The following CAMK1D variants were observed in gnomAD, a reference collection of about 807,000 sequenced individuals.
CAMK1D encodes the protein calcium/calmodulin-dependent protein kinase type 1D.
A neutral mutation model predicts 47.7 loss-of-function variants in CAMK1D; 9 were observed. The observed-to-expected ratio is 0.19, with a 90% CI of 0.11 to 0.33. The LOEUF (loss-of-function observed/expected upper bound fraction) is 0.33, where lower values mean the gene tolerates loss of function less well. Among genes scored for constraint, CAMK1D ranks in the 10% least tolerant of loss-of-function variants. The pLI, the probability that CAMK1D is intolerant of heterozygous loss-of-function variation, is 1.00. For missense variants in CAMK1D, 291 were observed against 488.7 expected (o/e 0.60, Z 3.81); for synonymous variants, 184 against 184.9 (o/e 0.99, Z 0.04).
At chr10:12,693,206 A>T (rs1165249115) in intron 3 of CAMK1D, among the ~76,000 whole-genome samples, 1 of 152,144 alleles carries the variant, frequency 6.6e-6, no homozygotes, top group East Asian at 1.9e-4. Context: ...TCTATTAAAA[A>T]TACAAAAGAT....
chr10:12,381,938 T>C (rs1838359386), intron 1 of CAMK1D, among the ~76,000 whole-genome samples: 1 of 152,112 alleles, frequency 6.6e-6, no homozygotes, highest in African/African-American at 2.4e-5. Context: ...AAAAAAAAAC[T>C]GTTTTGCTAT....
intron 2 of CAMK1D, among the ~76,000 whole-genome samples, chr10:12,611,056 G>A (rs1838603930): frequency 6.6e-6 from 1 of 152,184 alleles, no homozygotes; most frequent in Non-Finnish European, 1.5e-5. Context: ...TATTGATGAA[G>A]AAACTGAGGC....
At chr10:12,666,020 C>G (rs1203758894) in intron 2 of CAMK1D, among the ~76,000 whole-genome samples, 2 of 152,194 alleles carry the variant, frequency 1.3e-5, no homozygotes, top group Non-Finnish European at 2.9e-5. Context: ...GGGCTCTGCC[C>G]TCAACTTGTG....
At chr10:12,505,150 G>A (rs539027592) in intron 1 of CAMK1D, among the ~76,000 whole-genome samples, 1 of 152,326 alleles carries the variant, frequency 6.6e-6, no homozygotes, top group African/African-American at 2.4e-5. Context: ...CCTGATAGAT[G>A]CAGAAGCCGT....
At chr10:12,471,250 G>A (rs1833737809) in intron 1 of CAMK1D, among the ~76,000 whole-genome samples, 1 of 152,150 alleles carries the variant, frequency 6.6e-6, no homozygotes, top group Non-Finnish European at 1.5e-5. Flanking sequence ...GCCCTGCTCT[G>A]GATCAGCCCC....
At chr10:12,376,823 G>A (rs1023140493) in intron 1 of CAMK1D, among the ~76,000 whole-genome samples, 3 of 150,196 alleles carry the variant, frequency 2.0e-5, no homozygotes, top group East Asian at 2.0e-4. Flanking sequence ...GCGTGATCTC[G>A]GCTCACTGCA....
intron 3 of CAMK1D, among the ~76,000 whole-genome samples, chr10:12,689,116 A>C (rs951844761): frequency 6.6e-6 from 1 of 152,148 alleles, no homozygotes; most frequent in Non-Finnish European, 1.5e-5. Flanking sequence ...GCTTCATACA[A>C]CTTGGACTAA....
At chr10:12,402,173 C>T (rs1050891765) in intron 1 of CAMK1D, among the ~76,000 whole-genome samples, 2 of 152,050 alleles carry the variant, frequency 1.3e-5, no homozygotes, top group Non-Finnish European at 1.5e-5. Flanking sequence ...AACTCCTGAC[C>T]TCAAGTGATC....
At chr10:12,527,494 A>G (rs749012084) in intron 1 of CAMK1D, among the ~76,000 whole-genome samples, 1 of 151,602 alleles carries the variant, frequency 6.6e-6, no homozygotes, top group Admixed American at 6.6e-5. Context: ...AACTGGGACT[A>G]TAGGCATGCG....
intron 3 of CAMK1D, among the ~76,000 whole-genome samples, chr10:12,727,900 G>A (rs1834724407): frequency 6.6e-6 from 1 of 152,052 alleles, no homozygotes; most frequent in Admixed American, 6.5e-5. Flanking sequence ...TGAGTAGCTG[G>A]GAGTACAGGC....
intron 2 of CAMK1D, among the ~76,000 whole-genome samples, chr10:12,615,835 C>T (rs1005592034): frequency 8.5e-5 from 12 of 140,550 alleles, no homozygotes; most frequent in Admixed American, 5.3e-4. Flanking sequence ...TGTGTGCGTT[C>T]GTGTGTGTAT....
intron 1 of CAMK1D, among the ~76,000 whole-genome samples, chr10:12,542,322 G>A (rs1163649937): frequency 6.6e-6 from 1 of 152,206 alleles, no homozygotes; most frequent in African/African-American, 2.4e-5. Context: ...GTCTGGTAAG[G>A]GCAATAGGCT....
At chr10:12,388,269 C>T (rs916020851) in intron 1 of CAMK1D, among the ~76,000 whole-genome samples, 1 of 152,116 alleles carries the variant, frequency 6.6e-6, no homozygotes, top group African/African-American at 2.4e-5. Context: ...TCAGGTGATC[C>T]GCTGGCCTTG....
At chr10:12,772,929 G>T (rs2493775) in intron 5 of CAMK1D, among the ~76,000 whole-genome samples, 117,888 of 152,022 alleles carry the variant, frequency 0.78, 45,931 homozygotes, top group African/African-American at 0.8. Flanking sequence ...TAGGCAGTTA[G>T]CAGCTGAGCT....
At chr10:12,827,872 A>T (rs922824286) in intron 10 of CAMK1D, among the ~76,000 whole-genome samples, 9 of 152,010 alleles carry the variant, frequency 5.9e-5, no homozygotes, top group African/African-American at 2.2e-4. Context: ...TATTTTTTGT[A>T]GACCCAGGGT....
intron 1 of CAMK1D, among the ~76,000 whole-genome samples, chr10:12,539,474 C>T (rs1342891209): frequency 6.6e-6 from 1 of 152,142 alleles, no homozygotes; most frequent in African/African-American, 2.4e-5. Flanking sequence ...ACATTCTGTC[C>T]CGTCGTTGCT....
intron 10 of CAMK1D, 48 bp downstream of exon 10, chr10:12,825,738 G>A (rs760426088): frequency 6.2e-7 from 1 of 1,613,092 alleles, no homozygotes; most frequent in South Asian, 1.1e-5. Context: ...CTGAAGACGA[G>A]CCTGGGGTGG....
intron 2 of CAMK1D, among the ~76,000 whole-genome samples, chr10:12,583,821 G>A (rs1395192871): frequency 1.3e-5 from 2 of 151,920 alleles, no homozygotes; most frequent in African/African-American, 4.8e-5. Flanking sequence ...GGATGGTCTC[G>A]ATCTCCTGAC....
intron 1 of CAMK1D, among the ~76,000 whole-genome samples, chr10:12,412,669 T>C (rs1588458272): frequency 1.0e-5 from 1 of 99,762 alleles, no homozygotes; most frequent in Non-Finnish European, 1.9e-5. Context: ...CACTCCAGCC[T>C]GGGCAACAAG....
Sources: allele counts gnomAD v4.1 joint callset (sites outside exome capture counted in the v4.1 genomes callset), GRCh38; gene constraint gnomAD v4.1.1; transcripts MANE v1.5; gene names NCBI Gene and HGNC (gene_info 2026-07-23, HGNC 2026-07-21).